Variants in PTPRN2 observed in about 807,000 individuals in gnomAD.
PTPRN2 encodes the protein protein tyrosine phosphatase receptor type N2.
Under a neutral mutation model 118.8 loss-of-function variants are expected in PTPRN2, and 74 were observed. The ratio of observed to expected loss-of-function variants is 0.62; its 90% CI spans 0.52 to 0.76. The LOEUF (loss-of-function observed/expected upper bound fraction) is 0.76. Among genes scored for constraint, PTPRN2 ranks in the 30% least tolerant of loss-of-function variants. PTPRN2 has a pLI of 0.00. For synonymous variants in PTPRN2, 641 were observed against 608.0 expected (o/e 1.05, Z -0.80); for missense variants, 1,481 against 1,394.4 (o/e 1.06, Z -0.99).
chr7:158,276,855 C>T (rs1006041561), intron 3 of PTPRN2, among the ~76,000 whole-genome samples: 4 of 152,282 alleles, frequency 2.6e-5, no homozygotes, highest in Admixed American at 6.5e-5. Context: ...GAGGCAGGGG[C>T]GGAGGGTGCG....
At chr7:158,524,527 CTGCCCTGGAGT>C (rs1824622142) in intron 1 of PTPRN2, among the ~76,000 whole-genome samples, 1 of 149,304 alleles carries the variant, frequency 6.7e-6, no homozygotes, top group African/African-American at 2.5e-5. Context: ...GGAGTGGAGT[CTGCCCTGGAGT>C]GGAGTCTGCC....
chr7:158,463,363 CCATCAG>C (rs1563324112), intron 2 of PTPRN2, among the ~76,000 whole-genome samples: 3 of 151,946 alleles, frequency 2.0e-5, no homozygotes, highest in South Asian at 4.2e-4. Context: ...ATCACCATCA[CCATCAG>C]CATCTCATCA....
chr7:157,623,376 T>C (rs912821257), intron 14 of PTPRN2, among the ~76,000 whole-genome samples: 8 of 152,188 alleles, frequency 5.3e-5, no homozygotes, highest in Admixed American at 5.2e-4. Flanking sequence ...TCGAAAATGG[T>C]TCCTGGCAAA....
At chr7:158,057,937 A>C (rs892430292) in intron 11 of PTPRN2, among the ~76,000 whole-genome samples, 21 of 152,224 alleles carry the variant, frequency 1.4e-4, no homozygotes, top group African/African-American at 5.1e-4. Flanking sequence ...GTTTCCTGCT[A>C]ATCTGTTTAA....
At chr7:158,213,412 T>C (rs1827749098) in intron 3 of PTPRN2, among the ~76,000 whole-genome samples, 1 of 152,174 alleles carries the variant, frequency 6.6e-6, no homozygotes, top group African/African-American at 2.4e-5. Flanking sequence ...AATTGTCATA[T>C]TTCTAAATCT....
intron 11 of PTPRN2, among the ~76,000 whole-genome samples, chr7:157,985,632 C>G (rs1026542095): frequency 2.6e-5 from 4 of 152,216 alleles, no homozygotes; most frequent in African/African-American, 9.6e-5. Context: ...TTCAGGCCCC[C>G]CTCAGATCCA....
At chr7:158,488,188 C>A (rs547932800) in intron 2 of PTPRN2, among the ~76,000 whole-genome samples, 1 of 152,128 alleles carries the variant, frequency 6.6e-6, no homozygotes, top group Non-Finnish European at 1.5e-5. Context: ...TCCAGGCAGA[C>A]GACGTAGGAT....
chr7:158,225,464 CAAG>C (rs1828691730), intron 3 of PTPRN2, among the ~76,000 whole-genome samples: 1 of 152,158 alleles, frequency 6.6e-6, no homozygotes, highest in Non-Finnish European at 1.5e-5. Flanking sequence ...AAAGCCAATT[CAAG>C]AAGGATAGAT....
intron 10 of PTPRN2, among the ~76,000 whole-genome samples, chr7:158,107,973 C>T (rs1465308699): frequency 6.6e-6 from 1 of 151,746 alleles, no homozygotes; most frequent in Non-Finnish European, 1.5e-5. Flanking sequence ...CCTGCCCCCT[C>T]CCTCACCTGG....
intron 2 of PTPRN2, among the ~76,000 whole-genome samples, chr7:158,337,598 C>G (rs1484583320): frequency 1.0e-5 from 1 of 99,732 alleles, no homozygotes; most frequent in Admixed American, 1.1e-4. Flanking sequence ...GTCACTCACA[C>G]CCACACTCTC....
At chr7:158,319,509 C>CTCCCT (rs1563131603) in intron 2 of PTPRN2, among the ~76,000 whole-genome samples, 2 of 37,086 alleles carry the variant, frequency 5.4e-5, no homozygotes, top group African/African-American at 2.6e-4. Context: ...CAGCCTCCCC[C>CTCCCT]CACACACACA....
At chr7:157,661,470 C>T (rs571922562) in intron 13 of PTPRN2, among the ~76,000 whole-genome samples, 3 of 143,896 alleles carry the variant, frequency 2.1e-5, no homozygotes, top group African/African-American at 7.4e-5. Context: ...CGCCTGGGAA[C>T]GGGGGCGGGT....
chr7:157,980,940 G>A (rs1585129243), intron 11 of PTPRN2, among the ~76,000 whole-genome samples: 1 of 151,078 alleles, frequency 6.6e-6, no homozygotes, highest in Non-Finnish European at 1.5e-5. Flanking sequence ...GGAGGGATAA[G>A]TAGCCAGTTC....
chr7:158,067,221 G>T (rs931694704), intron 11 of PTPRN2, among the ~76,000 whole-genome samples: 2 of 152,208 alleles, frequency 1.3e-5, no homozygotes, highest in African/African-American at 4.8e-5. Flanking sequence ...GCTTTTCAGC[G>T]AAGCCTCCTC....
chr7:158,562,740 G>A (rs1358131427), intron 1 of PTPRN2, among the ~76,000 whole-genome samples: 1 of 152,190 alleles, frequency 6.6e-6, no homozygotes, highest in African/African-American at 2.4e-5. Flanking sequence ...TGAAGGCAAA[G>A]CTCTTGGAAG....
At chr7:157,853,840 G>A (rs1418142416) in intron 12 of PTPRN2, among the ~76,000 whole-genome samples, 2 of 152,228 alleles carry the variant, frequency 1.3e-5, no homozygotes, top group African/African-American at 4.8e-5. Context: ...TCTTTGTGGA[G>A]GTAACTGGCT....
rs62493659 is a variant in PTPRN2, at chr7:158,360,094, T to G, written c.164-43162A>C. Among the ~76,000 whole-genome samples, 18 of 34,748 alleles carry G rather than the reference T, an allele frequency of 5.2e-4. No homozygotes were observed. In the South Asian group the frequency reaches 6.7e-3, roughly 13 times the overall value. 22.8% of individuals were successfully genotyped at this position (34,748 alleles called of 152,430 possible). A position where few individuals can be genotyped will look rare whatever the true frequency, so the allele number is the denominator to read the frequency against. ...ACCCCACATCCACCCTCACCCAGGA[T>G]GACGCACAGACCCCACATCCACCCT... is the stretch of plus-strand genomic sequence containing the variant. On this transcript the variant is annotated intron_variant, in intron 2 of 22. Transcript: ENST00000389418.
intron 6 of PTPRN2, among the ~76,000 whole-genome samples, chr7:158,164,505 C>A (rs1215975746): frequency 6.8e-6 from 1 of 147,100 alleles, no homozygotes; most frequent in Non-Finnish European, 1.5e-5. Context: ...GGAGCGCGCG[C>A]GTAGGGAGGG....
chr7:158,353,751 C>T (rs1808181473), intron 2 of PTPRN2, among the ~76,000 whole-genome samples: 1 of 152,172 alleles, frequency 6.6e-6, no homozygotes, highest in African/African-American at 2.4e-5. Context: ...TGCCTGGCAT[C>T]CAGTACACAA....
Sources: gnomAD v4.1 joint callset for allele counts (sites outside exome capture counted in the v4.1 genomes callset) on GRCh38, gnomAD v4.1.1 for gene constraint, MANE v1.5 for transcripts, NCBI Gene and HGNC (gene_info 2026-07-23, HGNC 2026-07-21) for gene names.